RABGAP1L: variants seen among roughly 807,000 people sequenced by gnomAD.
The protein encoded by RABGAP1L is rab GTPase-activating protein 1-like.
A neutral mutation model predicts 137.7 loss-of-function variants in RABGAP1L; 63 were observed. The observed-to-expected ratio is 0.46, with a 90% CI of 0.37 to 0.56. The LOEUF (loss-of-function observed/expected upper bound fraction) is 0.56. Ranked by LOEUF, RABGAP1L falls within the 20% of genes least tolerant of loss-of-function variation. RABGAP1L has a pLI of 0.00. For missense variants in RABGAP1L, 1,095 were observed against 1,244.0 expected (o/e 0.88, Z 1.80); for synonymous variants, 431 against 433.7 (o/e 0.99, Z 0.08).
At chr1:174,960,879 G>A (rs1378396230) in intron 20 of RABGAP1L, among the ~76,000 whole-genome samples, 1 of 152,170 alleles carries the variant, frequency 6.6e-6, no homozygotes, top group African/African-American at 2.4e-5. Flanking sequence ...TAGAACATAT[G>A]TTGTACATTA....
chr1:174,460,732 A>G (rs1417363898), intron 13 of RABGAP1L, among the ~76,000 whole-genome samples: 5 of 152,190 alleles, frequency 3.3e-5, no homozygotes, highest in Non-Finnish European at 5.9e-5. Context: ...ACATTAATAA[A>G]TAAATTAAAG....
Position 174,411,750 on chromosome 1 carries a change from A to G in RABGAP1L, c.1710+17605A>G, listed in dbSNP as rs950086958. On this transcript the variant is annotated intron_variant, in intron 13 of 25. Coordinates refer to ENST00000681986, the MANE Select transcript of RABGAP1L (RefSeq NM_001366446.1). ...TAATTTCATTGTTTACCCAAAAGTC[A>G]TTCAGGAGCAGGTCATTTAATTTCT... 2.6e-5 allele frequency among the ~76,000 whole-genome samples: 4 copies of G among 152,250 alleles called. No individual in the cohort carries two copies. The East Asian group carries it at 7.7e-4, about 29-fold the overall frequency.
intron 13 of RABGAP1L, among the ~76,000 whole-genome samples, chr1:174,499,886 A>G (rs1661099699): frequency 6.6e-6 from 1 of 152,106 alleles, no homozygotes. Context: ...AAGTTCATAT[A>G]TTATAATGTT....
At position 174,571,531 on chromosome 1, in the gene RABGAP1L, AC is replaced by A. The variant is rs544109691; in HGVS notation, c.1711-65840del. On this transcript the variant is annotated intron_variant, in intron 13 of 25. Coordinates refer to ENST00000681986, the MANE Select transcript of RABGAP1L (RefSeq NM_001366446.1). Reference sequence around the variant, plus strand: ...ATGCCTGTACCAAAACATCTCAATTACCCCATAAATATATACACCTACTGTG... The same window carrying A: ...ATGCCTGTACCAAAACATCTCAATTACCCATAAATATATACACCTACTGTG... Among the ~76,000 whole-genome samples the A allele has an allele frequency of 3.3e-3, 497 of 152,294 alleles. 1 individual carries two copies. The highest frequency in any genetic ancestry group is 5.1e-3 in the Non-Finnish European group (348 of 68,018).
intron 1 of RABGAP1L, among the ~76,000 whole-genome samples, chr1:174,192,523 A>G (rs558431530): frequency 1.3e-5 from 2 of 152,068 alleles, no homozygotes; most frequent in African/African-American, 4.8e-5. Context: ...GGGTTTTACC[A>G]TCTTGCCAGA....
chr1:174,812,901 A>G (rs576362450), intron 19 of RABGAP1L, among the ~76,000 whole-genome samples: 3 of 152,206 alleles, frequency 2.0e-5, no homozygotes, highest in East Asian at 1.9e-4. Flanking sequence ...GTCAATAGCC[A>G]GTTCAAAGGT....
chr1:174,356,162 C>T (rs1683623638), intron 11 of RABGAP1L, among the ~76,000 whole-genome samples: 1 of 152,050 alleles, frequency 6.6e-6, no homozygotes, highest in Admixed American at 6.6e-5. Flanking sequence ...TCATTATTAC[C>T]TTTTCAGATC....
At chr1:174,359,963 C>A (rs1195112755) in intron 11 of RABGAP1L, among the ~76,000 whole-genome samples, 1 of 152,162 alleles carries the variant, frequency 6.6e-6, no homozygotes, top group Non-Finnish European at 1.5e-5. Flanking sequence ...ACTGTTTTTC[C>A]ATCCAACTGT....
chr1:174,250,392 G>A (rs1672622998), intron 5 of RABGAP1L, 83 bp from the exon 6 acceptor site: 2 of 1,009,066 alleles, frequency 2.0e-6, no homozygotes, highest in Non-Finnish European at 2.8e-6. Flanking sequence ...ATGGAAAATT[G>A]TAGATTCAAG....
At chr1:174,355,385 T>TTCTC (rs1236461702) in intron 11 of RABGAP1L, among the ~76,000 whole-genome samples, 1 of 149,154 alleles carries the variant, frequency 6.7e-6, no homozygotes, top group East Asian at 2.0e-4. Context: ...ACACTGCATG[T>TTCTC]TCTCACTCAT....
intron 19 of RABGAP1L, among the ~76,000 whole-genome samples, chr1:174,868,028 C>T (rs996703412): frequency 6.6e-6 from 1 of 152,004 alleles, no homozygotes; most frequent in Non-Finnish European, 1.5e-5. Context: ...TGCAGTGGCA[C>T]GATCTCTGCT....
intron 1 of RABGAP1L, among the ~76,000 whole-genome samples, chr1:174,214,673 G>A (rs1345728479): frequency 6.6e-6 from 1 of 152,114 alleles, no homozygotes; most frequent in African/African-American, 2.4e-5. Context: ...GGAACCCAGA[G>A]ATAAATCTGT....
chr1:174,447,638 T>C (rs887948626), intron 13 of RABGAP1L, among the ~76,000 whole-genome samples: 13 of 152,214 alleles, frequency 8.5e-5, no homozygotes, highest in African/African-American at 2.7e-4. Flanking sequence ...TTTTCTTTTC[T>C]CATTCTTTCC....
chr1:174,843,431 T>C (rs1693661262), intron 19 of RABGAP1L, among the ~76,000 whole-genome samples: 2 of 149,976 alleles, frequency 1.3e-5, no homozygotes, highest in Admixed American at 1.3e-4. Flanking sequence ...CCTGTGTCCA[T>C]GTGATCTCAT....
At chr1:174,543,661 C>T (rs894021148) in intron 13 of RABGAP1L, among the ~76,000 whole-genome samples, 6 of 152,222 alleles carry the variant, frequency 3.9e-5, no homozygotes, top group African/African-American at 1.2e-4. Context: ...TTATTTTGCT[C>T]GTTAGTTGAT....
chr1:174,949,148 T>C (rs1667348689), intron 19 of RABGAP1L, among the ~76,000 whole-genome samples: 2 of 152,128 alleles, frequency 1.3e-5, no homozygotes, highest in Admixed American at 1.3e-4. Context: ...GAAGGGAAGG[T>C]AGATAGAGAC....
At chr1:174,413,855 GA>G (rs1429882500) in intron 13 of RABGAP1L, among the ~76,000 whole-genome samples, 1 of 152,028 alleles carries the variant, frequency 6.6e-6, no homozygotes, top group Non-Finnish European at 1.5e-5. Context: ...TTTATTTTCG[GA>G]AGCTCTCTGT....
chr1:174,393,371 T>C (rs893727758), intron 12 of RABGAP1L, among the ~76,000 whole-genome samples: 2 of 152,212 alleles, frequency 1.3e-5, no homozygotes, highest in African/African-American at 4.8e-5. Flanking sequence ...AGTTTATGCT[T>C]GAACAAAGAA....
At chr1:174,356,757 TAAAAC>T (rs1238324994) in intron 11 of RABGAP1L, among the ~76,000 whole-genome samples, 2 of 152,132 alleles carry the variant, frequency 1.3e-5, no homozygotes, top group African/African-American at 2.4e-5. Flanking sequence ...TAATAAGAGA[TAAAAC>T]AAACTGGGAA....
Sources: allele counts gnomAD v4.1 joint callset (sites outside exome capture counted in the v4.1 genomes callset), GRCh38; gene constraint gnomAD v4.1.1; transcripts MANE v1.5; gene names NCBI Gene and HGNC (gene_info 2026-07-23, HGNC 2026-07-21).